Variants in NEDD4 observed in about 807,000 individuals in gnomAD.
NEDD4 encodes the protein NEDD4 E3 ubiquitin protein ligase, also known as E3 ubiquitin-protein ligase NEDD4.
NEDD4 carries 99 observed loss-of-function variants against 144.9 expected under a neutral mutation model. That is an observed-to-expected ratio of 0.68 (90% CI 0.58 to 0.81). The LOEUF (loss-of-function observed/expected upper bound fraction) is 0.81, where lower values mean the gene tolerates loss of function less well. NEDD4 is among the 30% of genes least tolerant of loss of function. NEDD4 has a pLI of 0.00. For missense variants in NEDD4, 985 were observed against 1,065.9 expected, an observed-to-expected ratio of 0.92 and a Z score of 1.06; for synonymous variants, 318 against 350.6, an observed-to-expected ratio of 0.91 and a Z score of 1.04.
At chr15:55,862,836 C>T in intron 9 of NEDD4, 77 bp downstream of exon 9, 1 of 1,345,132 alleles carries the variant, frequency 7.4e-7, no homozygotes, top group Admixed American at 1.9e-5. Context: ...ATGAATCCAT[C>T]TGAGACATGA....
intron 21 of NEDD4, among the ~76,000 whole-genome samples, chr15:55,839,352 C>T (rs1395014374): frequency 1.3e-5 from 2 of 152,022 alleles, no homozygotes; most frequent in African/African-American, 4.8e-5. Context: ...GTTTAAGTAG[C>T]TATGAGGAGG....
intron 1 of NEDD4, among the ~76,000 whole-genome samples, chr15:55,989,636 A>T (rs2037956993): frequency 2.0e-5 from 3 of 152,074 alleles, no homozygotes; most frequent in Non-Finnish European, 2.9e-5. Context: ...GATAGCGGAG[A>T]CTCTGAACTC....
intron 5 of NEDD4, among the ~76,000 whole-genome samples, chr15:55,889,190 C>T (rs1351413895): frequency 6.6e-6 from 1 of 152,104 alleles, no homozygotes; most frequent in East Asian, 1.9e-4. Context: ...AATAGAACGA[C>T]CATATAATCC....
rs553213327 is a variant in NEDD4 at position 55,870,898 on chromosome 15, T to C, written c.405-1217A>G. ...TATGATTTACTTAAGAAATCCTTAC[T>C]TGTCTCAGCTCTCTATATAGATTTT... On this transcript the variant is annotated intron_variant, in intron 7 of 28. Transcript: ENST00000435532. Among the ~76,000 whole-genome samples, 11 of 152,292 alleles carry C rather than the reference T, an allele frequency of 7.2e-5. No individual in the cohort carries two copies. In the South Asian group the frequency reaches 2.3e-3, roughly 32 times the overall value.
chr15:55,907,348 A>G (rs1045660229), intron 5 of NEDD4, among the ~76,000 whole-genome samples: 3 of 152,184 alleles, frequency 2.0e-5, no homozygotes, highest in Non-Finnish European at 4.4e-5. Context: ...CACATGTTTT[A>G]CCTTGATAAA....
chr15:55,951,673 A>G (rs2037243883), intron 2 of NEDD4, 84 bp from the exon 3 acceptor site: 1 of 1,028,304 alleles, frequency 9.7e-7, no homozygotes, highest in Non-Finnish European at 1.3e-6. Flanking sequence ...TAAAATTCAC[A>G]GTTTTCCTTG....
In NEDD4 at chr15:55,841,811, T is replaced by A. The variant is rs535806914; in HGVS notation, c.1838+123A>T. On this transcript the variant is annotated intron_variant, in intron 19 of 28. Coordinates refer to ENST00000435532, the MANE Select transcript of NEDD4 (RefSeq NM_006154.4). ...TGGTCTCGATATCCTGACCTTGTGA[T>A]CCGCCCGCCTCGGCCTCCCAAAGTG... 471 of 727,212 alleles carry A rather than the reference T, an allele frequency of 6.5e-4. 1 individual carries two copies. The highest frequency in any genetic ancestry group is 1.0e-3 in the Non-Finnish European group (422 of 423,222). The allele number at this position is 727,212 out of a possible 1,614,324, so 45.0% of individuals were successfully genotyped here.
At chr15:55,967,605 T>C (rs1313790498) in intron 1 of NEDD4, among the ~76,000 whole-genome samples, 1 of 151,552 alleles carries the variant, frequency 6.6e-6, no homozygotes, top group Non-Finnish European at 1.5e-5. Context: ...TTGAAATTGT[T>C]CAAAATAAAA....
chr15:55,926,668 A>T (rs1486751061), intron 4 of NEDD4, among the ~76,000 whole-genome samples: 1 of 152,202 alleles, frequency 6.6e-6, no homozygotes, highest in Non-Finnish European at 1.5e-5. Context: ...CAGGAGGCTG[A>T]GGCACGAGAA....
rs1431277047 is a variant in NEDD4 at position 55,967,464 on chromosome 15, GTGTGTGTGTGTA to G, written c.46-930_46-919del. Among the ~76,000 whole-genome samples the G allele has an allele frequency of 1.9e-4, 29 of 149,246 alleles. 1 individual carries two copies. In the South Asian group the frequency reaches 5.4e-3, roughly 28 times the overall value. ...GCTGTGTGTGTGTGTGTGTGTGTGT[GTGTGTGTGTGTA>G]TGTGTGTGTATACAAATAAAGGGGA... On this transcript the variant is annotated intron_variant, in intron 1 of 28. Transcript: ENST00000435532.
At chr15:55,931,996 T>A (rs1174057864) in intron 4 of NEDD4, among the ~76,000 whole-genome samples, 2 of 152,214 alleles carry the variant, frequency 1.3e-5, no homozygotes, top group African/African-American at 4.8e-5. Context: ...GTAAGTGGAA[T>A]CATACAATAT....
At chr15:55,917,058 C>A in intron 5 of NEDD4, 1 of 1,266,990 alleles carries the variant, frequency 7.9e-7, no homozygotes, top group Non-Finnish European at 9.9e-7. Flanking sequence ...TGTCTTGAAT[C>A]GCTTGTAGTC....
At chr15:55,908,343 A>G (rs1332228903) in intron 5 of NEDD4, among the ~76,000 whole-genome samples, 2 of 152,160 alleles carry the variant, frequency 1.3e-5, no homozygotes, top group East Asian at 3.8e-4. Context: ...ACATTTGCCT[A>G]CCTATTGCCA....
At chr15:55,993,102 G>A (rs1364769309) in intron 1 of NEDD4, among the ~76,000 whole-genome samples, 1 of 152,248 alleles carries the variant, frequency 6.6e-6, no homozygotes, top group African/African-American at 2.4e-5. Context: ...CTCCGCCAGA[G>A]CAAGCAAATC....
intron 4 of NEDD4, among the ~76,000 whole-genome samples, chr15:55,928,651 G>A (rs2036721956): frequency 6.6e-6 from 1 of 152,138 alleles, no homozygotes. Context: ...TGTCTACACT[G>A]TGCTCATCAT....
At chr15:55,961,465 GTATTAT>G (rs58665877) in intron 2 of NEDD4, among the ~76,000 whole-genome samples, 8 of 150,858 alleles carry the variant, frequency 5.3e-5, no homozygotes, top group Admixed American at 4.6e-4. Flanking sequence ...TAAGTTTGTG[GTATTAT>G]TATTATTATT....
chr15:55,909,081 T>C (rs981744496), intron 5 of NEDD4, among the ~76,000 whole-genome samples: 4 of 152,196 alleles, frequency 2.6e-5, no homozygotes, highest in African/African-American at 9.6e-5. Context: ...CCTAGTGTTA[T>C]GGTTTTATAA....
intron 5 of NEDD4, among the ~76,000 whole-genome samples, chr15:55,902,459 G>A (rs1241801887): frequency 6.6e-6 from 1 of 152,040 alleles, no homozygotes; most frequent in Non-Finnish European, 1.5e-5. Flanking sequence ...GCATTTCAAC[G>A]TGTTTATGGG....
At chr15:55,924,746 A>C in intron 4 of NEDD4, 47 bp from the exon 5 acceptor site, 1 of 1,531,694 alleles carries the variant, frequency 6.5e-7, no homozygotes, top group Non-Finnish European at 8.9e-7. Flanking sequence ...ACATCAACCC[A>C]CAGATACTCA....
Sources: allele counts gnomAD v4.1 joint callset (sites outside exome capture counted in the v4.1 genomes callset), GRCh38; gene constraint gnomAD v4.1.1; transcripts MANE v1.5; gene names NCBI Gene and HGNC (gene_info 2026-07-23, HGNC 2026-07-21).